Variants in KIF4A observed in about 807,000 individuals in gnomAD.
KIF4A encodes the protein chromosome-associated kinesin KIF4A.
A neutral mutation model predicts 105.9 loss-of-function variants in KIF4A; 7 were observed. The observed-to-expected ratio is 0.07, with a 90% CI of 0.04 to 0.12. The LOEUF (loss-of-function observed/expected upper bound fraction) is 0.12. Among genes scored for constraint, KIF4A ranks in the 10% least tolerant of loss-of-function variants. KIF4A has a pLI of 1.00. For missense variants in KIF4A, 558 were observed against 929.2 expected, an observed-to-expected ratio of 0.60 and a Z score of 5.19; for synonymous variants, 281 against 331.3, an observed-to-expected ratio of 0.85 and a Z score of 1.65.
At chrX:70,304,670 TTTG>T (rs1569229494) in intron 7 of KIF4A, among the ~76,000 whole-genome samples, 2 of 96,707 alleles carry the variant, frequency 2.1e-5, no homozygotes, top group African/African-American at 7.6e-5. Flanking sequence ...TTTTTTTTTT[TTTG>T]AGAGAGAGAG....
intron 15 of KIF4A, among the ~76,000 whole-genome samples, chrX:70,358,601 G>A: frequency 9.0e-6 from 1 of 111,486 alleles, no homozygotes; most frequent in Non-Finnish European, 1.9e-5. Context: ...TTTTATCAAG[G>A]TTTTCTTCTT....
intron 18 of KIF4A, among the ~76,000 whole-genome samples, chrX:70,377,197 T>C (rs1395025259): frequency 9.0e-6 from 1 of 111,445 alleles, no homozygotes; most frequent in Non-Finnish European, 1.9e-5. Flanking sequence ...CTCAGCCTCC[T>C]GAGTAGCTAG....
intron 11 of KIF4A, among the ~76,000 whole-genome samples, chrX:70,342,136 A>AC: frequency 8.9e-6 from 1 of 112,644 alleles, no homozygotes; most frequent in East Asian, 2.8e-4. Flanking sequence ...TGTACAGTGA[A>AC]CACCTATGTA....
chrX:70,417,366 G>A (rs1365883331), intron 28 of KIF4A, among the ~76,000 whole-genome samples: 3 of 111,783 alleles, frequency 2.7e-5, no homozygotes, highest in Middle Eastern at 4.2e-3. Flanking sequence ...TAGCCAGGTG[G>A]CCAGGCACGG....
At position 70,340,247 on chromosome X, in the gene KIF4A, G is replaced by A. The variant is rs185452294; in HGVS notation, c.1134-1552G>A. ...ATTGGGAGAACTTAAAAAATTTAAT[G>A]TATGTAAAGTATTTAGAATAGAGCC... On this transcript the variant is annotated intron_variant, in intron 10 of 30. Transcript: ENST00000374403. Among the ~76,000 whole-genome samples the A allele has an allele frequency of 4.1e-3, 459 of 111,848 alleles. 2 individuals are homozygous for A. The highest frequency in any genetic ancestry group is 0.014 in the African/African-American group (438 of 30,884).
In KIF4A at chrX:70,419,776, A is replaced by G. The variant is rs141822498; in HGVS notation, c.3488A>G (p.Asn1163Ser). The G allele has an allele frequency of 2.1e-4, 258 of 1,208,688 alleles. 1 individual carries two copies. The highest frequency in any genetic ancestry group is 1.8e-4 in the Non-Finnish European group (161 of 895,022). The change falls in exon 30 of 31, where the codon AAT (asparagine) becomes AGT (serine). Residue 1163 changes from asparagine (N) to serine (S), a missense_variant. Physicochemically the swap from Asn to Ser is conservative, Grantham distance 46. Transcript: ENST00000374403. ...TTTAATCCCGTCTGTGCCACCCCCA[A>G]TAGCAAGGTAGGTGGGCTAAAAGGC... ...SFFNPVCATP[N>S]SKILKEMCDV...
chrX:70,375,775 A>C (rs1045121510), intron 17 of KIF4A, among the ~76,000 whole-genome samples: 1 of 111,986 alleles, frequency 8.9e-6, no homozygotes, highest in Non-Finnish European at 1.9e-5. Context: ...TTTAGAATAC[A>C]ATGGTTACTA....
intron 7 of KIF4A, among the ~76,000 whole-genome samples, chrX:70,305,925 T>A (rs780781234): frequency 8.9e-6 from 1 of 112,402 alleles, no homozygotes; most frequent in South Asian, 3.7e-4. Context: ...ATTATAGCTA[T>A]CCTAGTGGGT....
chrX:70,362,295 C>T, intron 15 of KIF4A: 1 of 344,066 alleles, frequency 2.9e-6, no homozygotes, highest in Non-Finnish European at 5.7e-6. Context: ...GTACTGGAAA[C>T]TCAGCTCTTT....
intron 15 of KIF4A, among the ~76,000 whole-genome samples, chrX:70,364,365 T>C (rs2086091352): frequency 1.8e-5 from 2 of 110,401 alleles, no homozygotes; most frequent in South Asian, 7.9e-4. Flanking sequence ...AGGGTTTTTA[T>C]GGTTTTAGGT....
chrX:70,335,891 A>G lies in KIF4A; in HGVS notation c.1133+2202A>G, dbSNP rs187766783. Among the ~76,000 whole-genome samples the G allele has an allele frequency of 1.3e-4, 14 of 111,703 alleles. No individual in the cohort carries two copies. The Admixed American group carries it at 1.3e-3, about 11-fold the overall frequency. On this transcript the variant is annotated intron_variant, in intron 10 of 30. Transcript: ENST00000374403. ...GGATATACTCAGTGAGGTAAATGTC[A>G]TTCCCTCTCCATCCCTGCAACTCTG...
In KIF4A at chrX:70,386,674, C is replaced by T; in HGVS notation, c.2091C>T (p.Ser697=). 8.3e-7 allele frequency: 1 copy of T among 1,206,111 alleles called. No individual in the cohort carries two copies. Among genetic ancestry groups the T allele is most frequent in the Non-Finnish European group, 1.1e-6 (1 of 890,581 alleles). ...TTGAAAGAAACTTCCAGAAACAATC[C>T]AATGTGCTCAGACGTAAAACGGAGG... The part of the protein sequence containing the change: ...LKLERNFQKQ[S]NVLRRKTEEA... The change falls in exon 19 of 31, where the codon TCC becomes TCT. Residue 697 remains serine (S), a synonymous_variant. Transcript: ENST00000374403.
chrX:70,380,306 T>C (rs1168281234), intron 18 of KIF4A, among the ~76,000 whole-genome samples: 1 of 108,619 alleles, frequency 9.2e-6, no homozygotes, highest in African/African-American at 3.3e-5. Context: ...AGACACTGTC[T>C]CAAAAAAAAA....
intron 10 of KIF4A, among the ~76,000 whole-genome samples, chrX:70,339,316 A>G (rs778373075): frequency 5.4e-5 from 6 of 111,696 alleles, no homozygotes; most frequent in Non-Finnish European, 9.4e-5. Context: ...TAAAGTTGCT[A>G]TAATTTCACC....
chrX:70,315,125 T>C (rs2085864441), intron 7 of KIF4A, among the ~76,000 whole-genome samples: 1 of 112,143 alleles, frequency 8.9e-6, no homozygotes, highest in South Asian at 3.8e-4. Context: ...AAACTGATTT[T>C]TTCCCTCAAC....
intron 15 of KIF4A, among the ~76,000 whole-genome samples, chrX:70,373,008 C>T (rs1032574344): frequency 8.9e-5 from 10 of 112,263 alleles, no homozygotes; most frequent in East Asian, 2.8e-4. Context: ...CCATGGCTCA[C>T]GCCTATAATC....
chrX:70,416,345 C>CTTTT lies in KIF4A; in HGVS notation c.3256-1521_3256-1518dup, dbSNP rs376059238. ...ATCCCTAGGCCCTTTTCTGCACAGTCTTTTTTTTTTTTTTTTTTTTTTTTT... is the reference window on the plus strand; with the variant it reads ...ATCCCTAGGCCCTTTTCTGCACAGTCTTTTTTTTTTTTTTTTTTTTTTTTTTTTT... On this transcript the variant is annotated intron_variant, in intron 28 of 30. Transcript: ENST00000374403. Among the ~76,000 whole-genome samples, 59 of 62,762 alleles carry CTTTT rather than the reference C, an allele frequency of 9.4e-4. 1 individual carries two copies. Among genetic ancestry groups the CTTTT allele is most frequent in the African/African-American group, 1.1e-3 (17 of 14,961 alleles). 54.5% of individuals were successfully genotyped at this position (62,762 alleles called of 115,157 possible).
chrX:70,392,771 A>T (rs2086242080), intron 20 of KIF4A, among the ~76,000 whole-genome samples: 1 of 108,379 alleles, frequency 9.2e-6, no homozygotes, highest in African/African-American at 3.3e-5. Context: ...TTTTTATGTT[A>T]TATATATTTT....
At position 70,420,332 on chromosome X, in the gene KIF4A, G is replaced by T; in HGVS notation, c.*67G>T. On this transcript the variant is annotated 3_prime_UTR_variant, in exon 31 of 31. Transcript: ENST00000374403. ...TGCTTTCAGGTTGCAGCCAGAAGGG[G>T]TTTTTTAAATGACTTCTCTGGATTT... The T allele has an allele frequency of 1.8e-6, 2 of 1,112,259 alleles. No individual in the cohort carries two copies. The highest frequency in any genetic ancestry group is 3.3e-5 in the Admixed American group (1 of 30,746). 91.7% of individuals were successfully genotyped at this position (1,112,259 alleles called of 1,213,427 possible).
Sources: allele counts gnomAD v4.1 joint callset (sites outside exome capture counted in the v4.1 genomes callset), GRCh38; gene constraint gnomAD v4.1.1; transcripts MANE v1.5; gene names NCBI Gene and HGNC (gene_info 2026-07-23, HGNC 2026-07-21).